MGAT4C: variants seen among roughly 807,000 people sequenced by gnomAD.
MGAT4C encodes MGAT4 family member C, also known as alpha-1,3-mannosyl-glycoprotein 4-beta-N-acetylglucosaminyltransferase C.
MGAT4C carries 19 observed loss-of-function variants against 40.1 expected under a neutral mutation model. The observed-to-expected ratio is 0.47, with a 90% CI of 0.33 to 0.70. The LOEUF (loss-of-function observed/expected upper bound fraction) is 0.70, where lower values mean the gene tolerates loss of function less well. MGAT4C is among the 30% of genes least tolerant of loss of function. MGAT4C has a pLI of 0.02. For missense variants in MGAT4C, 491 were observed against 563.2 expected, an observed-to-expected ratio of 0.87 and a Z score of 1.30; for synonymous variants, 181 against 187.1, an observed-to-expected ratio of 0.97 and a Z score of 0.27.
chr12:86,227,204 A>G (rs779975703), intron 1 of MGAT4C, among the ~76,000 whole-genome samples: 1 of 146,922 alleles, frequency 6.8e-6, no homozygotes, highest in South Asian at 2.2e-4. Context: ...TTCTTTCTCA[A>G]TAAATGCTAG....
chr12:86,662,613 C>T (rs1298399093), intron 2 of MGAT4C, among the ~76,000 whole-genome samples: 1 of 151,936 alleles, frequency 6.6e-6, no homozygotes, highest in Non-Finnish European at 1.5e-5. Flanking sequence ...GATCCTCAAA[C>T]CTCTAATATG....
rs1884037839 is a variant in MGAT4C at position 85,977,007 on chromosome 12, T to C, written c.*2282A>G. On this transcript the variant is annotated 3_prime_UTR_variant, in exon 5 of 5. Coordinates refer to ENST00000611864, the MANE Select transcript of MGAT4C (RefSeq NM_001351288.2). ...GAAAACATAGAGGATCCTTGGATGA[T>C]TGACCAACTTATCCAAACACAGGTT... 1 of 151,288 alleles carries C rather than the reference T, an allele frequency of 6.6e-6. No individual in the cohort carries two copies. Among genetic ancestry groups the C allele is most frequent in the Non-Finnish European group, 1.5e-5 (1 of 67,400 alleles). 9.4% of individuals were successfully genotyped at this position (151,288 alleles called of 1,614,324 possible). A position where few individuals can be genotyped will look rare whatever the true frequency, so the allele number is the denominator to read the frequency against.
intron 2 of MGAT4C, among the ~76,000 whole-genome samples, chr12:86,015,174 T>C (rs945061654): frequency 4.0e-5 from 6 of 151,726 alleles, no homozygotes; most frequent in African/African-American, 1.5e-4. Flanking sequence ...TGTTTTGTAA[T>C]AGTAAGAATG....
At chr12:86,055,371 T>A (rs1156720082) in intron 1 of MGAT4C, among the ~76,000 whole-genome samples, 1 of 151,996 alleles carries the variant, frequency 6.6e-6, no homozygotes, top group African/African-American at 2.4e-5. Flanking sequence ...ATGTGAAATA[T>A]TAAGTGACTA....
chr12:86,578,221 G>A (rs1453189183), intron 2 of MGAT4C, among the ~76,000 whole-genome samples: 1 of 151,726 alleles, frequency 6.6e-6, no homozygotes, highest in Non-Finnish European at 1.5e-5. Flanking sequence ...TGCTCTCACA[G>A]GCCCTGGACC....
At chr12:86,041,066 C>G (rs1159787696) in intron 2 of MGAT4C, among the ~76,000 whole-genome samples, 1 of 152,136 alleles carries the variant, frequency 6.6e-6, no homozygotes, top group Non-Finnish European at 1.5e-5. Context: ...GAAATGCTGA[C>G]ATCACCCACC....
chr12:86,735,567 G>A (rs1490041325), intron 1 of MGAT4C, among the ~76,000 whole-genome samples: 1 of 151,808 alleles, frequency 6.6e-6, no homozygotes, highest in African/African-American at 2.4e-5. Context: ...TGGGGTCAAT[G>A]GAAGTATTTG....
chr12:86,090,790 C>CT lies in MGAT4C; in HGVS notation c.-56-41068dup, dbSNP rs980197429. Among the ~76,000 whole-genome samples the CT allele has an allele frequency of 4.6e-5, 7 of 151,674 alleles. No individual in the cohort carries two copies. The East Asian group carries it at 5.8e-4, about 13-fold the overall frequency. On this transcript the variant is annotated intron_variant, in intron 1 of 4. Coordinates refer to ENST00000611864, the MANE Select transcript of MGAT4C (RefSeq NM_001351288.2). ...ACAGTTTAACTATAATTTTTTAATA[C>CT]TTTTTTTTGTTTGTTTAGAAAGGTA...
chr12:86,784,080 A>G (rs1951891481), intron 1 of MGAT4C, among the ~76,000 whole-genome samples: 5 of 152,050 alleles, frequency 3.3e-5, no homozygotes. Context: ...CTCCATTACC[A>G]TATTCATCTA....
chr12:86,312,140 A>G (rs553306484), intron 4 of MGAT4C, among the ~76,000 whole-genome samples: 11 of 152,262 alleles, frequency 7.2e-5, no homozygotes, highest in African/African-American at 2.6e-4. Flanking sequence ...TCAAAATAAC[A>G]TAGCTGGTCC....
chr12:86,231,390 C>A (rs2136015721), intron 1 of MGAT4C, among the ~76,000 whole-genome samples: 1 of 152,158 alleles, frequency 6.6e-6, no homozygotes, highest in Admixed American at 6.5e-5. Flanking sequence ...TGTACCTAAC[C>A]AGTGGGTTAC....
chr12:86,408,594 T>G (rs1956536455), intron 3 of MGAT4C, among the ~76,000 whole-genome samples: 1 of 149,402 alleles, frequency 6.7e-6, no homozygotes, highest in African/African-American at 2.5e-5. Flanking sequence ...CCCCAACTGG[T>G]TTCCCATACC....
intron 4 of MGAT4C, among the ~76,000 whole-genome samples, chr12:86,282,948 A>G (rs934917904): frequency 3.9e-5 from 6 of 152,122 alleles, no homozygotes; most frequent in Non-Finnish European, 8.8e-5. Context: ...GAAACTTTAG[A>G]TCAAAGCTAC....
chr12:86,687,596 G>A (rs1037011205), intron 2 of MGAT4C, among the ~76,000 whole-genome samples: 9 of 152,024 alleles, frequency 5.9e-5, no homozygotes, highest in South Asian at 2.1e-4. Flanking sequence ...TGTTATTTAC[G>A]CAGTAGTCAT....
intron 2 of MGAT4C, among the ~76,000 whole-genome samples, chr12:86,713,972 A>G (rs1169008670): frequency 6.6e-6 from 1 of 152,162 alleles, no homozygotes; most frequent in East Asian, 1.9e-4. Flanking sequence ...AATGGTTTGC[A>G]CATAGTATGT....
intron 2 of MGAT4C, among the ~76,000 whole-genome samples, chr12:86,698,255 C>G (rs1950294549): frequency 1.3e-5 from 2 of 151,506 alleles, no homozygotes; most frequent in African/African-American, 2.4e-5. Context: ...ATAGATTCAC[C>G]AAAAAATCCT....
At chr12:86,437,625 A>G (rs1957158982) in intron 2 of MGAT4C, among the ~76,000 whole-genome samples, 1 of 151,926 alleles carries the variant, frequency 6.6e-6, no homozygotes, top group African/African-American at 2.4e-5. Flanking sequence ...TACAAATTGA[A>G]CATTTGTGGT....
At position 86,521,186 on chromosome 12, in the gene MGAT4C, G is replaced by C. The variant is rs370226685; in HGVS notation, c.-228-85921C>G. 2.8e-4 allele frequency among the ~76,000 whole-genome samples: 43 copies of C among 152,096 alleles called. No individual in the cohort carries two copies. The East Asian group carries it at 4.1e-3, about 14-fold the overall frequency. On this transcript the variant is annotated intron_variant, in intron 2 of 7. Transcript: ENST00000548651. ...TGGTATTGCCTAGGTTGTCTTCAAG[G>C]GTTTTTATAGTTTTAGATTTTACAT...
intron 3 of MGAT4C, among the ~76,000 whole-genome samples, chr12:86,352,675 T>C (rs1412857331): frequency 6.6e-6 from 1 of 152,170 alleles, no homozygotes; most frequent in East Asian, 1.9e-4. Flanking sequence ...CATTTTTTGG[T>C]CTGCTAAAAT....
Sources: gnomAD v4.1 joint callset for allele counts (sites outside exome capture counted in the v4.1 genomes callset) on GRCh38, gnomAD v4.1.1 for gene constraint, MANE v1.5 for transcripts, NCBI Gene and HGNC (gene_info 2026-07-23, HGNC 2026-07-21) for gene names.